Variants in ITPKB observed in about 807,000 individuals in gnomAD.
ITPKB encodes IP3 3-kinase B.
ITPKB carries 13 observed loss-of-function variants against 69.4 expected under a neutral mutation model. The ratio of observed to expected loss-of-function variants is 0.19; its 90% confidence interval spans 0.12 to 0.30. The LOEUF is 0.30. Among genes scored for constraint, ITPKB ranks in the 10% least tolerant of loss-of-function variants. The pLI is 1.00. For synonymous variants in ITPKB, 584 were observed against 513.7 expected, an observed-to-expected ratio of 1.14 and a Z score of -1.85; for missense variants, 1,240 against 1,250.5, an observed-to-expected ratio of 0.99 and a Z score of 0.13.
intron 5 of ITPKB, among the ~76,000 whole-genome samples, chr1:226,640,286 C>T (rs986881561): frequency 6.6e-6 from 1 of 152,210 alleles, no homozygotes; most frequent in Non-Finnish European, 1.5e-5. Context: ...TCATGTGGGG[C>T]TTTGCTGACC....
At chr1:226,703,262 T>A (rs192273006) in intron 2 of ITPKB, among the ~76,000 whole-genome samples, 1 of 152,300 alleles carries the variant, frequency 6.6e-6, no homozygotes, top group South Asian at 2.1e-4. Flanking sequence ...ACCCGGGGTG[T>A]GAAAGCCTGC....
chr1:226,652,738 C>T (rs945864358), intron 2 of ITPKB, among the ~76,000 whole-genome samples: 6 of 152,240 alleles, frequency 3.9e-5, no homozygotes, highest in Non-Finnish European at 7.3e-5. Flanking sequence ...TCAGGGGAAT[C>T]GAGACATCCC....
intron 2 of ITPKB, among the ~76,000 whole-genome samples, chr1:226,679,769 G>A (rs943963410): frequency 4.6e-5 from 7 of 152,162 alleles, no homozygotes; most frequent in African/African-American, 1.7e-4. Context: ...CCAATGATCT[G>A]TAATGGACAT....
Position 226,679,382 on chromosome 1 carries a change from CTT to C in ITPKB, c.1933-30613_1933-30612del, listed in dbSNP as rs1393210298. 3.3e-5 allele frequency among the ~76,000 whole-genome samples: 5 copies of C among 152,340 alleles called. No individual in the cohort carries two copies. The East Asian group carries it at 7.7e-4, about 24-fold the overall frequency. On this transcript the variant is annotated intron_variant, in intron 2 of 7. Coordinates refer to ENST00000429204, the MANE Select transcript of ITPKB (RefSeq NM_002221.4). Reference sequence around the variant, plus strand: ...GGACCCTGACTTCAGAAGCAGAACTCTTTGAGTTCTTCTGGTTCCAGCTCTGC... The same window carrying C: ...GGACCCTGACTTCAGAAGCAGAACTCTGAGTTCTTCTGGTTCCAGCTCTGC...
chr1:226,692,992 A>C (rs941719848), intron 2 of ITPKB, among the ~76,000 whole-genome samples: 1 of 152,176 alleles, frequency 6.6e-6, no homozygotes, highest in Non-Finnish European at 1.5e-5. Context: ...TTTTGCCTCA[A>C]ACAAATCCCT....
intron 2 of ITPKB, chr1:226,707,759 G>A (rs1208107332): frequency 2.8e-6 from 3 of 1,061,194 alleles, no homozygotes; most frequent in African/African-American, 3.4e-5. Flanking sequence ...TCCAATGGTC[G>A]TAGGGAAACT....
At chr1:226,724,236 C>A (rs1258325334) in intron 2 of ITPKB, among the ~76,000 whole-genome samples, 1 of 152,098 alleles carries the variant, frequency 6.6e-6, no homozygotes, top group African/African-American at 2.4e-5. Flanking sequence ...TCGGGCTCCA[C>A]ACTCCCCAGC....
At chr1:226,719,958 T>C (rs1405919189) in intron 2 of ITPKB, among the ~76,000 whole-genome samples, 1 of 152,226 alleles carries the variant, frequency 6.6e-6, no homozygotes, top group African/African-American at 2.4e-5. Flanking sequence ...ATCAGGGGCT[T>C]ATTGCCCTGC....
chr1:226,713,143 T>C (rs781541847), intron 2 of ITPKB, among the ~76,000 whole-genome samples: 1 of 152,178 alleles, frequency 6.6e-6, no homozygotes, highest in South Asian at 2.1e-4. Context: ...CATGCTCCGC[T>C]AAGACACCAG....
At chr1:226,678,047 T>A (rs1329630311) in intron 2 of ITPKB, among the ~76,000 whole-genome samples, 3 of 151,782 alleles carry the variant, frequency 2.0e-5, no homozygotes, top group Non-Finnish European at 4.4e-5. Context: ...ACGAAGGAAT[T>A]AAAAAAAAGA....
chr1:226,665,646 G>A (rs1669484508), intron 2 of ITPKB, among the ~76,000 whole-genome samples: 1 of 152,128 alleles, frequency 6.6e-6, no homozygotes. Flanking sequence ...TGAGATGGAA[G>A]CCAGGATTTC....
intron 2 of ITPKB, among the ~76,000 whole-genome samples, chr1:226,655,536 A>G (rs1039349414): frequency 5.3e-5 from 8 of 152,208 alleles, no homozygotes; most frequent in Admixed American, 1.3e-4. Context: ...TCCCCTGGAA[A>G]GGCCTGGCAG....
At chr1:226,719,236 A>C (rs1657169460) in intron 2 of ITPKB, among the ~76,000 whole-genome samples, 1 of 152,204 alleles carries the variant, frequency 6.6e-6, no homozygotes, top group South Asian at 2.1e-4. Context: ...CCAAGATCAC[A>C]CCACTGCCCT....
chr1:226,685,792 C>A lies in ITPKB; in HGVS notation c.1933-37021G>T, dbSNP rs145722870. The stretch of plus-strand genomic sequence containing the variant: ...ATGAGTTAACTAATTAAAAGCTCCA[C>A]AACATTGTACAAGGAAAAAAAATTC... On this transcript the variant is annotated intron_variant, in intron 2 of 7. Transcript: ENST00000429204. Among the ~76,000 whole-genome samples, 1,182 of 152,318 alleles carry A rather than the reference C, an allele frequency of 7.8e-3. 4 individuals carry two copies. Among genetic ancestry groups the A allele is most frequent in the Non-Finnish European group, 0.014 (945 of 68,030 alleles).
intron 2 of ITPKB, among the ~76,000 whole-genome samples, chr1:226,712,669 T>C (rs554794461): frequency 2.6e-4 from 39 of 152,366 alleles, no homozygotes; most frequent in Non-Finnish European, 5.3e-4. Context: ...CAGGCCCGTC[T>C]GTCTGTTCTG....
chr1:226,700,362 G>A (rs1052562458), intron 2 of ITPKB, among the ~76,000 whole-genome samples: 3 of 150,644 alleles, frequency 2.0e-5, no homozygotes, highest in East Asian at 2.0e-4. Context: ...CCACCTACTC[G>A]GGAGGCTGAG....
Position 226,648,682 on chromosome 1 carries a change from T to C in ITPKB, c.2022A>G (p.Ala674=). 3 of 1,607,370 alleles carry C rather than the reference T, an allele frequency of 1.9e-6. No homozygotes were observed. Among genetic ancestry groups the C allele is most frequent in the Non-Finnish European group, 2.6e-6 (3 of 1,173,820 alleles). Residue 674 remains alanine, a synonymous_variant, in exon 3 of 8, where the codon GCA becomes GCG. Coordinates refer to ENST00000429204, the MANE Select transcript of ITPKB (RefSeq NM_002221.4). ...FKKKYPWIQL[A]GHAGSFKAAA... is the part of the protein sequence containing the mutation. ...GAGAGCTGTGTCTACCTGCGTGTCC[T>C]GCCAGCTGGATCCAGGGGTACTTCT...
At position 226,678,145 on chromosome 1, in the gene ITPKB, T is replaced by C. The variant is rs74139749; in HGVS notation, c.1933-29374A>G. 3.0e-3 allele frequency among the ~76,000 whole-genome samples: 460 copies of C among 152,328 alleles called. 2 individuals are homozygous for C. Among genetic ancestry groups the C allele is most frequent in the African/African-American group, 9.7e-3 (405 of 41,568 alleles). ...TACTCTCTGGCCACACCTCCACAAT[T>C]TGTCCAAATACCAAACCAGGACATG... On this transcript the variant is annotated intron_variant, in intron 2 of 7. Transcript: ENST00000429204.
intron 2 of ITPKB, 91 bp downstream of exon 2, chr1:226,735,436 G>C (rs1414736060): frequency 3.7e-6 from 5 of 1,356,954 alleles, no homozygotes; most frequent in Non-Finnish European, 3.9e-6. Context: ...TTTCATGACT[G>C]TGTAGAAAGT....
Sources: gnomAD v4.1 joint callset for allele counts (sites outside exome capture counted in the v4.1 genomes callset) on GRCh38, gnomAD v4.1.1 for gene constraint, MANE v1.5 for transcripts, NCBI Gene and HGNC (gene_info 2026-07-23, HGNC 2026-07-21) for gene names.